EFHC1: variants seen among roughly 807,000 people sequenced by gnomAD.
The protein encoded by EFHC1 is EF-hand domain-containing protein 1.
EFHC1 carries 53 observed loss-of-function variants against 69.9 expected under a neutral mutation model. The ratio of observed to expected loss-of-function variants is 0.76; its 90% CI spans 0.61 to 0.95. The LOEUF is 0.95. EFHC1 is among the 40% of genes least tolerant of loss of function. The probability of loss-of-function intolerance (pLI) is 0.00; values close to 1 mark genes in which losing one functional copy is unlikely to be tolerated. For synonymous variants in EFHC1, 256 were observed against 278.4 expected (o/e 0.92, Z 0.80); for missense variants, 739 against 798.7 (o/e 0.93, Z 0.90).
In EFHC1 at chr6:52,469,388, T is replaced by G. The variant is rs772003514; in HGVS notation, c.1193T>G (p.Phe398Cys). The G allele has an allele frequency of 2.5e-6, 4 of 1,613,958 alleles. No homozygotes were observed. The Admixed American group carries it at 5.0e-5, about 20-fold the overall frequency. Residue 398 changes from phenylalanine to cysteine, a missense_variant, in exon 7 of 11, where the codon TTT becomes TGT. Phe to Cys is a radical substitution (Grantham distance 205). Coordinates refer to ENST00000371068, the MANE Select transcript of EFHC1 (RefSeq NM_018100.4). ...GLVEDSAQNC[F>C]ALIPKAPKKD... Reference sequence around the variant, plus strand: ...GTGGAAGATTCTGCTCAGAATTGTTTTGCTCTCATTCCAAAAGCTCCAAAA... The same window carrying G: ...GTGGAAGATTCTGCTCAGAATTGTTGTGCTCTCATTCCAAAAGCTCCAAAA...
chr6:52,444,872 T>C (rs147152687), intron 3 of EFHC1, among the ~76,000 whole-genome samples: 2 of 152,292 alleles, frequency 1.3e-5, no homozygotes, highest in East Asian at 3.9e-4. Context: ...TGGTACTAGC[T>C]CCTCTTTGTA....
chr6:52,481,384 G>A (rs891702152), intron 9 of EFHC1, among the ~76,000 whole-genome samples: 1 of 152,130 alleles, frequency 6.6e-6, no homozygotes, highest in Non-Finnish European at 1.5e-5. Flanking sequence ...AGACAGCCAA[G>A]TAGAGAGCAT....
chr6:52,423,681 T>TTA, intron 1 of EFHC1: 72 of 433,970 alleles, frequency 1.7e-4, no homozygotes, highest in South Asian at 9.9e-4. Flanking sequence ...TTTTTTTTTT[T>TTA]TTTAGTTTTT....
At chr6:52,432,298 G>C (rs1160361564) in intron 2 of EFHC1, among the ~76,000 whole-genome samples, 1 of 151,980 alleles carries the variant, frequency 6.6e-6, no homozygotes, top group Non-Finnish European at 1.5e-5. Context: ...TTGTTTTATA[G>C]GTCCTGTGAG....
intron 1 of EFHC1, among the ~76,000 whole-genome samples, chr6:52,423,046 TGGGCAGC>T: frequency 6.6e-6 from 1 of 152,352 alleles, no homozygotes; most frequent in Non-Finnish European, 1.5e-5. Flanking sequence ...ACCATTGTAA[TGGGCAGC>T]TTCAGGCATA....
chr6:52,470,580 A>G (rs1445891119), intron 7 of EFHC1, among the ~76,000 whole-genome samples: 2 of 152,250 alleles, frequency 1.3e-5, no homozygotes, highest in Non-Finnish European at 2.9e-5. Flanking sequence ...CTTAAGAAAC[A>G]GAAAGGCTAA....
rs187587421 is a variant in EFHC1, at chr6:52,477,202, T to C, written c.1279-1835T>C. On this transcript the variant is annotated intron_variant, in intron 7 of 10. Transcript: ENST00000371068. Reference sequence around the variant, plus strand: ...AAGGTTTGAGAGCAGAGGAGTGATATGATTTGATTTTAACTATATTGTAGT... The same window carrying C: ...AAGGTTTGAGAGCAGAGGAGTGATACGATTTGATTTTAACTATATTGTAGT... Among the ~76,000 whole-genome samples the C allele has an allele frequency of 2.0e-3, 304 of 152,172 alleles. 3 individuals are homozygous for C. Among genetic ancestry groups the C allele is most frequent in the African/African-American group, 7.2e-3 (297 of 41,516 alleles).
chr6:52,482,856 A>C, intron 9 of EFHC1: 1 of 398,604 alleles, frequency 2.5e-6, no homozygotes, highest in Non-Finnish European at 4.4e-6. Context: ...ACATTCCTAC[A>C]GTCAGCTTTC....
rs1034929614 is a variant in EFHC1 at position 52,429,934 on chromosome 6, A to G, written c.285+5767A>G. 3.3e-5 allele frequency: 5 copies of G among 151,962 alleles called. No homozygotes were observed. The East Asian group carries it at 9.7e-4, about 29-fold the overall frequency. The allele number at this position is 151,962 out of a possible 1,614,324, so 9.4% of individuals were successfully genotyped here. A position where few individuals can be genotyped will look rare whatever the true frequency, so the allele number is the denominator to read the frequency against. ...GTCTTTCACCTCCTTGGTTATGTAT[A>G]TTTCTAAGTTTTTGTTTGTTTGTTT... On this transcript the variant is annotated intron_variant, in intron 2 of 10. Transcript: ENST00000371068.
chr6:52,492,452 T>G lies in EFHC1; in HGVS notation c.*111T>G. On this transcript the variant is annotated 3_prime_UTR_variant, in exon 11 of 11. Transcript: ENST00000371068. ...AGGGTTCCTGAAGTTTTATTTCTGT[T>G]TTGGTTCTTCTTTCACTCCTACTGA... 8.8e-7 allele frequency: 1 copy of G among 1,141,532 alleles called. No individual in the cohort carries two copies. The highest frequency in any genetic ancestry group is 2.5e-5 in the East Asian group (1 of 39,530). 70.7% of individuals were successfully genotyped at this position (1,141,532 alleles called of 1,614,324 possible).
chr6:52,472,199 G>A (rs1264210931), intron 7 of EFHC1, among the ~76,000 whole-genome samples: 1 of 151,902 alleles, frequency 6.6e-6, no homozygotes, highest in African/African-American at 2.4e-5. Flanking sequence ...AATAAAAGGG[G>A]GTTTCCTTTA....
At chr6:52,458,701 G>A (rs919096830) in intron 5 of EFHC1, among the ~76,000 whole-genome samples, 1 of 152,194 alleles carries the variant, frequency 6.6e-6, no homozygotes, top group African/African-American at 2.4e-5. Context: ...AGCCCCTGAG[G>A]AAAACAGTTT....
At position 52,438,045 on chromosome 6, in the gene EFHC1, A is replaced by T. The variant is rs555590504; in HGVS notation, c.286-259A>T. 1.1e-4 allele frequency among the ~76,000 whole-genome samples: 17 copies of T among 152,322 alleles called. No homozygotes were observed. The East Asian group carries it at 3.1e-3, about 28-fold the overall frequency. On this transcript the variant is annotated intron_variant, in intron 2 of 10. Transcript: ENST00000371068. ...TTCCATGTGTTATGAAACATTTTTT[A>T]AAATTTTTTAAACCATTTAAATATG... is the stretch of plus-strand genomic sequence containing the variant.
intron 3 of EFHC1, among the ~76,000 whole-genome samples, chr6:52,442,596 T>C (rs1244317812): frequency 6.6e-6 from 1 of 152,212 alleles, no homozygotes; most frequent in African/African-American, 2.4e-5. Flanking sequence ...GTTTCCAGCT[T>C]CATCCATGTC....
rs541433141 is a variant in EFHC1 at position 52,429,647 on chromosome 6, T to G, written c.285+5480T>G. 1.5e-3 allele frequency among the ~76,000 whole-genome samples: 234 copies of G among 152,318 alleles called. 1 individual carries two copies. The highest frequency in any genetic ancestry group is 5.5e-3 in the African/African-American group (229 of 41,574). ...AGTGTGATGCCTCCAGGTTTATTCT[T>G]TTTGCTTATTCTTGCTTTGGCTATG... On this transcript the variant is annotated intron_variant, in intron 2 of 10. Coordinates refer to ENST00000371068, the MANE Select transcript of EFHC1 (RefSeq NM_018100.4).
At chr6:52,478,496 A>G (rs564557966) in intron 7 of EFHC1, among the ~76,000 whole-genome samples, 2 of 152,264 alleles carry the variant, frequency 1.3e-5, no homozygotes, top group East Asian at 3.9e-4. Context: ...ATTTTATATT[A>G]CTCTTATCCC....
At chr6:52,453,603 C>T (rs542220942) in intron 4 of EFHC1, 40 of 1,233,638 alleles carry the variant, frequency 3.2e-5, no homozygotes, top group Middle Eastern at 3.6e-4. Context: ...TTTATTCCCA[C>T]GATTTGAAGA....
intron 2 of EFHC1, among the ~76,000 whole-genome samples, chr6:52,433,549 A>G (rs1024100941): frequency 2.6e-5 from 4 of 152,166 alleles, no homozygotes; most frequent in South Asian, 2.1e-4. Flanking sequence ...TCTCTCAGCC[A>G]TAGATACCAG....
chr6:52,436,315 C>A (rs910020164), intron 2 of EFHC1, among the ~76,000 whole-genome samples: 3 of 152,020 alleles, frequency 2.0e-5, no homozygotes, highest in Non-Finnish European at 4.4e-5. Context: ...CTCCTATGCA[C>A]TTGTATGCAC....
Sources: gnomAD v4.1 joint callset for allele counts (sites outside exome capture counted in the v4.1 genomes callset) on GRCh38, gnomAD v4.1.1 for gene constraint, MANE v1.5 for transcripts, NCBI Gene and HGNC (gene_info 2026-07-23, HGNC 2026-07-21) for gene names.